Variants in IMPDH1 observed in about 807,000 individuals in gnomAD.
IMPDH1 encodes the protein inosine monophosphate dehydrogenase 1.
In IMPDH1, 41 loss-of-function variants were observed where a neutral mutation model predicts 73.5. That is an observed-to-expected ratio of 0.56 (90% CI 0.43 to 0.72). The LOEUF (loss-of-function observed/expected upper bound fraction) is 0.72, where lower values mean the gene tolerates loss of function less well. IMPDH1 is among the 30% of genes least tolerant of loss of function. The pLI is 0.00. For synonymous variants in IMPDH1, 318 were observed against 334.3 expected (o/e 0.95, Z 0.53); for missense variants, 645 against 824.8 (o/e 0.78, Z 2.67).
chr7:128,394,482 G>C lies in IMPDH1; in HGVS notation c.1668C>G (p.Ile556Met), dbSNP rs201803921. The C allele has an allele frequency of 1.9e-6, 3 of 1,614,026 alleles. No homozygotes were observed. In the Admixed American group the frequency reaches 5.0e-5, roughly 27 times the overall value. ...GAAGGACAGACAGGCTGCGGGCCCC[G>C]ATATCCTGGCAGCCGTGTTGGATGC... The part of the protein sequence containing the change: ...IAGIQHGCQD[I>M]GARSLSVLRS... The change falls in exon 15 of 17, where the codon ATC becomes ATG. Residue 556 changes from isoleucine (I) to methionine (M), a missense_variant. Ile to Met is a conservative substitution (Grantham distance 10). Transcript: ENST00000338791. The surrounding 1 kb of genome is among the most constrained non-coding windows in gnomAD (Gnocchi z 5.5).
At chr7:128,405,891 A>G in intron 3 of IMPDH1, 26 bp from the exon 4 acceptor site, 2 of 1,498,830 alleles carry the variant, frequency 1.3e-6, no homozygotes, top group South Asian at 1.2e-5. Context: ...GCGACCCGAC[A>G]TAAACACCCG....
At position 128,405,871 on chromosome 7, in the gene IMPDH1, G is replaced by C; in HGVS notation, c.255-6C>G. The C allele has an allele frequency of 2.0e-6, 3 of 1,520,210 alleles. No homozygotes were observed. The highest frequency in any genetic ancestry group is 1.8e-6 in the Non-Finnish European group (2 of 1,135,664). 94.2% of individuals were successfully genotyped at this position (1,520,210 alleles called of 1,614,324 possible). A position where few individuals can be genotyped will look rare whatever the true frequency, so the allele number is the denominator to read the frequency against. On this transcript the variant is annotated splice_polypyrimidine_tract_variant and splice_region_variant and intron_variant, in intron 3 of 16. Transcript: ENST00000338791. ...TGATCAGGTAGTCCGCCATGCTGCC[G>C]CGAGACCCCGCGACCCGACATAAAC...
chr7:128,396,129 A>G lies in IMPDH1; in HGVS notation c.1261+471T>C, dbSNP rs899117240. Among the ~76,000 whole-genome samples the G allele has an allele frequency of 7.2e-5, 11 of 152,170 alleles. No homozygotes were observed. The highest frequency in any genetic ancestry group is 2.7e-4 in the African/African-American group (11 of 41,430). The stretch of plus-strand genomic sequence containing the variant: ...TCCTCAATAACCACATGGGGGACAC[A>G]TGCCAGGCTCCCCCCTTCCCACTTC... On this transcript the variant is annotated intron_variant, in intron 12 of 16. Transcript: ENST00000338791. This position sits in a 1 kb window ranked among gnomAD's most constrained non-coding sequence, Gnocchi z 4.0.
chr7:128,400,253 CTGG>C, intron 8 of IMPDH1, 71 bp from the exon 9 acceptor site: 1 of 1,606,180 alleles, frequency 6.2e-7, no homozygotes, highest in Non-Finnish European at 8.5e-7. Flanking sequence ...CCTCTGGTCC[CTGG>C]TCACAGGCAC....
chr7:128,405,712 CG>C, intron 4 of IMPDH1, 54 bp downstream of exon 4: 2 of 1,508,850 alleles, frequency 1.3e-6, no homozygotes, highest in Non-Finnish European at 8.9e-7. Flanking sequence ...AGGGCCGGCC[CG>C]GGGGTCGCGG....
intron 7 of IMPDH1, 91 bp downstream of exon 7, chr7:128,400,726 T>C (rs1584735970): frequency 4.8e-6 from 6 of 1,240,210 alleles, no homozygotes; most frequent in African/African-American, 3.0e-5. Context: ...GCAGGGAGTG[T>C]AGCAGTGCAG....
At position 128,401,134 on chromosome 7, in the gene IMPDH1, G is replaced by T; in HGVS notation, c.403-18C>A. On this transcript the variant is annotated intron_variant, in intron 5 of 16. Transcript: ENST00000338791. ...GTCAGGTCCTGAGGATGGAGGCACA[G>T]CCCACGTAAAGAGTTTATCACCCAC... 6.3e-7 allele frequency: 1 copy of T among 1,592,432 alleles called. No homozygotes were observed. Among genetic ancestry groups the T allele is most frequent in the South Asian group, 1.1e-5 (1 of 90,630 alleles).
At position 128,399,190 on chromosome 7, in the gene IMPDH1, C is replaced by A. The variant is rs867985164; in HGVS notation, c.875-577G>T. 4.0e-5 allele frequency among the ~76,000 whole-genome samples: 6 copies of A among 151,708 alleles called. No homozygotes were observed. In the Middle Eastern group the frequency reaches 0.01, roughly 260 times the overall value. On this transcript the variant is annotated intron_variant, in intron 9 of 16. Transcript: ENST00000338791. ...AACAGCCCGGCCAATATGGTGAAAC[C>A]CCATCTCTACTAAAAATACAAAAAA...
At chr7:128,403,091 C>A (rs1479861444) in intron 5 of IMPDH1, among the ~76,000 whole-genome samples, 1 of 152,152 alleles carries the variant, frequency 6.6e-6, no homozygotes, top group African/African-American at 2.4e-5. Flanking sequence ...CACTCCCAAG[C>A]CCACCCCTTC....
At chr7:128,403,845 CAGAAAAGCCT>C (rs1584745410) in intron 4 of IMPDH1, 91 bp from the exon 5 acceptor site, 2 of 1,146,474 alleles carry the variant, frequency 1.7e-6, no homozygotes, top group East Asian at 4.7e-5. Flanking sequence ...CAGGGGGGTA[CAGAAAAGCCT>C]AGAGGAGCAG....
rs368622318 is a variant in IMPDH1 at position 128,393,025 on chromosome 7, G to C, written c.1782C>G (p.Tyr594Ter). 1.2e-6 allele frequency: 2 copies of C among 1,613,892 alleles called. No individual in the cohort carries two copies. The highest frequency in any genetic ancestry group is 1.7e-6 in the Non-Finnish European group (2 of 1,179,840). ...IEGGVHGLHSYEKRLY is the reference protein window; with the variant it reads ...IEGGVHGLHS ...GCTGTCCTCAGTACAGCCGCTTTTCGTAACTGTGGGGACAAGGCAAGAGGG... is the reference window on the plus strand; with the variant it reads ...GCTGTCCTCAGTACAGCCGCTTTTCCTAACTGTGGGGACAAGGCAAGAGGG... Residue 594 changes from tyrosine to a stop codon, truncating the protein, a stop_gained, in exon 17 of 17, where the codon TAC becomes TAG. Coordinates refer to ENST00000338791, the MANE Select transcript of IMPDH1 (RefSeq NM_000883.4). LOFTEE classifies it high-confidence loss of function.
At chr7:128,403,307 CA>C (rs1453074962) in intron 5 of IMPDH1, among the ~76,000 whole-genome samples, 1 of 152,224 alleles carries the variant, frequency 6.6e-6, no homozygotes, top group African/African-American at 2.4e-5. Flanking sequence ...CCTGTAATCA[CA>C]GCGTCTTCGG....
chr7:128,392,748 C>T lies in IMPDH1; in HGVS notation c.*259G>A, dbSNP rs535964010. 16 of 524,286 alleles carry T rather than the reference C, an allele frequency of 3.1e-5. No individual in the cohort carries two copies. Among genetic ancestry groups the T allele is most frequent in the South Asian group, 6.6e-5 (3 of 45,148 alleles). The allele number at this position is 524,286 out of a possible 1,614,324, so 32.5% of individuals were successfully genotyped here. On this transcript the variant is annotated 3_prime_UTR_variant, in exon 17 of 17. Transcript: ENST00000338791. ...TGCAGCAAGAAAGACCTGAGGCAGGCGCAGGGCCTGAGAGCCTGGCTGGCT... is the reference window on the plus strand; with the variant it reads ...TGCAGCAAGAAAGACCTGAGGCAGGTGCAGGGCCTGAGAGCCTGGCTGGCT...
intron 9 of IMPDH1, among the ~76,000 whole-genome samples, chr7:128,399,156 G>A (rs1798137526): frequency 6.6e-6 from 1 of 152,142 alleles, no homozygotes; most frequent in African/African-American, 2.4e-5. Flanking sequence ...TTGAGGCCAG[G>A]AGTTCAAGAA....
At chr7:128,400,040 G>T in intron 9 of IMPDH1, 55 bp downstream of exon 9, 2 of 1,327,166 alleles carry the variant, frequency 1.5e-6, no homozygotes, top group South Asian at 1.2e-5. Context: ...GGAACAACGG[G>T]ACTGTGGACA....
intron 3 of IMPDH1, among the ~76,000 whole-genome samples, chr7:128,406,285 ACCCCCC>A (rs375256813): frequency 5.2e-4 from 15 of 28,686 alleles, no homozygotes; most frequent in African/African-American, 2.1e-3. Flanking sequence ...CAGAGGCCCC[ACCCCCC>A]CACACCCCCA....
intron 5 of IMPDH1, among the ~76,000 whole-genome samples, chr7:128,401,622 G>GA (rs1324127701): frequency 6.6e-6 from 1 of 152,224 alleles, no homozygotes; most frequent in Non-Finnish European, 1.5e-5. Context: ...ATTTGATTCG[G>GA]AGAGAAGCCA....
chr7:128,393,205 C>T (rs1797655905), intron 16 of IMPDH1, among the ~76,000 whole-genome samples, 177 bp from the exon 17 acceptor site: 1 of 152,226 alleles, frequency 6.6e-6, no homozygotes, highest in African/African-American at 2.4e-5. Flanking sequence ...TCTGTCCTCC[C>T]CCAGGCCAGC....
chr7:128,404,830 G>A (rs932369192), intron 4 of IMPDH1, among the ~76,000 whole-genome samples: 2 of 152,208 alleles, frequency 1.3e-5, no homozygotes, highest in African/African-American at 4.8e-5. Flanking sequence ...GGCCACAGAA[G>A]AAATGCTGGA....
Sources: allele counts gnomAD v4.1 joint callset (sites outside exome capture counted in the v4.1 genomes callset), GRCh38; gene constraint gnomAD v4.1.1; non-coding constraint Gnocchi (gnomAD v3.1); transcripts MANE v1.5; gene names NCBI Gene and HGNC (gene_info 2026-07-23, HGNC 2026-07-21).